Variants in LRPPRC observed in about 807,000 individuals in gnomAD.
LRPPRC encodes the protein leucine rich pentatricopeptide repeat containing.
A neutral mutation model predicts 180.3 loss-of-function variants in LRPPRC; 120 were observed. That is an observed-to-expected ratio of 0.67 (90% confidence interval 0.57 to 0.77). LRPPRC has a LOEUF of 0.77. LRPPRC is among the 30% of genes least tolerant of loss of function. The probability of loss-of-function intolerance (pLI) is 0.00; values close to 1 mark genes in which losing one functional copy is unlikely to be tolerated. For synonymous variants in LRPPRC, 723 were observed against 600.0 expected, an observed-to-expected ratio of 1.21 and a Z score of -3.00; for missense variants, 2,012 against 1,657.2, an observed-to-expected ratio of 1.21 and a Z score of -3.72.
intron 29 of LRPPRC, among the ~76,000 whole-genome samples, chr2:43,916,945 G>C (rs1437195493): frequency 5.2e-5 from 4 of 77,212 alleles, no homozygotes; most frequent in African/African-American, 1.7e-4. Context: ...ACCTGTCTCC[G>C]GGGGGAAAAA....
At chr2:43,955,207 C>T in intron 14 of LRPPRC, among the ~76,000 whole-genome samples, 1 of 152,108 alleles carries the variant, frequency 6.6e-6, no homozygotes, top group Admixed American at 6.5e-5. Context: ...GAGGCTCACA[C>T]CTGCAATACC....
intron 29 of LRPPRC, among the ~76,000 whole-genome samples, chr2:43,913,627 C>T (rs912475586): frequency 5.3e-5 from 8 of 152,166 alleles, no homozygotes; most frequent in Non-Finnish European, 8.8e-5. Context: ...AAAAAATATA[C>T]GGCAACATTT....
At chr2:43,983,103 G>C (rs967121365) in intron 1 of LRPPRC, among the ~76,000 whole-genome samples, 2 of 151,876 alleles carry the variant, frequency 1.3e-5, no homozygotes, top group East Asian at 3.8e-4. Context: ...AATAAATAAA[G>C]TGTTAAACAT....
chr2:43,900,511 G>A (rs1670846137), intron 32 of LRPPRC, among the ~76,000 whole-genome samples: 1 of 152,042 alleles, frequency 6.6e-6, no homozygotes, highest in African/African-American at 2.4e-5. Flanking sequence ...AATTCACCCA[G>A]TTCTTAGATG....
chr2:43,894,469 G>T, intron 36 of LRPPRC, 76 bp downstream of exon 36: 1 of 776,870 alleles, frequency 1.3e-6, no homozygotes, highest in Non-Finnish European at 2.3e-6. Flanking sequence ...TATACTACAA[G>T]TCATTTACAT....
intron 7 of LRPPRC, 82 bp downstream of exon 7, chr2:43,975,009 T>C (rs1673988390): frequency 2.1e-6 from 3 of 1,428,180 alleles, no homozygotes; most frequent in Non-Finnish European, 2.9e-6. Context: ...AGGTATAAAC[T>C]TCACTTTCCT....
chr2:43,976,884 TG>T, intron 5 of LRPPRC, 109 bp downstream of exon 5: 1 of 852,542 alleles, frequency 1.2e-6, no homozygotes, highest in South Asian at 1.5e-5. Flanking sequence ...AAAACAGTTC[TG>T]AAACAATTTC....
At chr2:43,982,107 C>G in intron 2 of LRPPRC, 131 bp downstream of exon 2, 1 of 584,584 alleles carries the variant, frequency 1.7e-6, no homozygotes, top group Non-Finnish European at 3.0e-6. Flanking sequence ...GGGGTTTTGC[C>G]ATGTTGGCCA....
intron 1 of LRPPRC, among the ~76,000 whole-genome samples, chr2:43,985,782 G>A (rs1019668927): frequency 6.6e-6 from 1 of 152,216 alleles, no homozygotes; most frequent in Non-Finnish European, 1.5e-5. Flanking sequence ...GAATAAAGCT[G>A]CTATAAGCAT....
intron 30 of LRPPRC, among the ~76,000 whole-genome samples, chr2:43,912,116 G>A (rs891316703): frequency 6.6e-6 from 1 of 152,108 alleles, no homozygotes; most frequent in Non-Finnish European, 1.5e-5. Flanking sequence ...ACCACAAAAG[G>A]TACATGGATT....
chr2:43,901,797 A>G, intron 31 of LRPPRC: 1 of 398,800 alleles, frequency 2.5e-6, no homozygotes, highest in Non-Finnish European at 4.5e-6. Flanking sequence ...CCATTTAGGG[A>G]TAACATTCAG....
At chr2:43,922,939 G>C (rs1671749072) in intron 27 of LRPPRC, among the ~76,000 whole-genome samples, 1 of 152,052 alleles carries the variant, frequency 6.6e-6, no homozygotes, top group African/African-American at 2.4e-5. Flanking sequence ...TGGTTAAAAA[G>C]AATATATACT....
At chr2:43,928,369 AGAAAT>A (rs1671965035) in intron 25 of LRPPRC, among the ~76,000 whole-genome samples, 1 of 152,246 alleles carries the variant, frequency 6.6e-6, no homozygotes, top group African/African-American at 2.4e-5. Context: ...TTAGGTAAAA[AGAAAT>A]GAAAGTTTTT....
rs116738214 is a variant in LRPPRC, at chr2:43,947,899, G to A, written c.1921-124C>T. 1,305 of 722,416 alleles carry A rather than the reference G, an allele frequency of 1.8e-3. 10 individuals carry two copies. The African/African-American group carries it at 0.02, about 11-fold the overall frequency. The allele number at this position is 722,416 out of a possible 1,614,324, so 44.8% of individuals were successfully genotyped here. On this transcript the variant is annotated intron_variant, in intron 18 of 37. Transcript: ENST00000260665. Reference sequence around the variant, plus strand: ...TACTTTTCATCTTTCCAAAATTTTAGACATTCTCTTCATACTTTATTAATC... The same window carrying A: ...TACTTTTCATCTTTCCAAAATTTTAAACATTCTCTTCATACTTTATTAATC...
rs1237064273 is a variant in LRPPRC, at chr2:43,934,867, G to C, written c.2516C>G (p.Ser839Cys). 1.9e-6 allele frequency: 3 copies of C among 1,612,780 alleles called. No homozygotes were observed. Among genetic ancestry groups the C allele is most frequent in the Admixed American group, 3.3e-5 (2 of 59,960 alleles). The change falls in exon 24 of 38, where the codon TCT (serine) becomes TGT (cysteine). Residue 839 changes from serine to cysteine, a missense_variant. Physicochemically the swap from Ser to Cys is moderately radical, Grantham distance 112. Transcript: ENST00000260665. ...GTCAATGGCGACCTCAAGAGCAGTAGATAGGTCGCCCCTTAGAAACAAAAA... is the reference window on the plus strand; with the variant it reads ...GTCAATGGCGACCTCAAGAGCAGTACATAGGTCGCCCCTTAGAAACAAAAA... Reference protein sequence around the residue: ...VTVHLEKGDLSTALEVAIDCY... With the variant: ...VTVHLEKGDLCTALEVAIDCY...
At chr2:43,981,395 C>A (rs1025661549) in intron 2 of LRPPRC, among the ~76,000 whole-genome samples, 1 of 152,002 alleles carries the variant, frequency 6.6e-6, no homozygotes, top group African/African-American at 2.4e-5. Flanking sequence ...GTATGGTGGC[C>A]CACGTCTGTA....
At chr2:43,911,724 A>G (rs971810760) in intron 30 of LRPPRC, among the ~76,000 whole-genome samples, 10 of 151,654 alleles carry the variant, frequency 6.6e-5, no homozygotes, top group African/African-American at 2.4e-4. Context: ...ACAGGGTTTC[A>G]CCATGTTGGC....
chr2:43,903,872 C>T (rs771952387), intron 31 of LRPPRC: 12 of 152,040 alleles, frequency 7.9e-5, no homozygotes, highest in Non-Finnish European at 1.0e-4. Context: ...ATTTATATGG[C>T]GAGCAAGTTT....
chr2:43,891,283 A>C (rs984165345), intron 36 of LRPPRC, among the ~76,000 whole-genome samples: 7 of 152,248 alleles, frequency 4.6e-5, no homozygotes, highest in Non-Finnish European at 2.9e-5. Flanking sequence ...ATTTAGTAGT[A>C]ACACACACAG....
Sources: gnomAD v4.1 joint callset for allele counts (sites outside exome capture counted in the v4.1 genomes callset) on GRCh38, gnomAD v4.1.1 for gene constraint, MANE v1.5 for transcripts, NCBI Gene and HGNC (gene_info 2026-07-23, HGNC 2026-07-21) for gene names.